Variants in BCKDHB observed in about 807,000 individuals in gnomAD.
BCKDHB encodes the protein 2-oxoisovalerate dehydrogenase subunit beta, mitochondrial.
BCKDHB carries 41 observed loss-of-function variants against 48.5 expected under a neutral mutation model. The ratio of observed to expected loss-of-function variants is 0.85; its 90% CI spans 0.66 to 1.10. The LOEUF (loss-of-function observed/expected upper bound fraction) is 1.10, where lower values mean the gene tolerates loss of function less well. BCKDHB is among the 50% of genes least tolerant of loss of function. BCKDHB has a pLI of 0.00. For missense variants in BCKDHB, 496 were observed against 494.2 expected (o/e 1.00, Z -0.03); for synonymous variants, 201 against 174.8 (o/e 1.15, Z -1.18).
chr6:80,332,001 A>G (rs1769334810), intron 9 of BCKDHB, among the ~76,000 whole-genome samples: 1 of 152,194 alleles, frequency 6.6e-6, no homozygotes, highest in Admixed American at 6.5e-5. Flanking sequence ...TGCACCATAA[A>G]CCCAGATGTA....
At chr6:80,229,609 T>C (rs564908911) in intron 8 of BCKDHB, among the ~76,000 whole-genome samples, 1 of 152,052 alleles carries the variant, frequency 6.6e-6, no homozygotes, top group East Asian at 1.9e-4. Context: ...AATTGAAGAG[T>C]TGTTATTAAA....
chr6:80,357,969 A>G, the BCKDHB span, among the ~76,000 whole-genome samples: 10 of 152,234 alleles, frequency 6.6e-5, no homozygotes, highest in Non-Finnish European at 1.2e-4. Context: ...TAATTTTCTG[A>G]GACCATTCAT....
chr6:80,463,468 A>G, the BCKDHB span, among the ~76,000 whole-genome samples: 183 of 152,358 alleles, frequency 1.2e-3, 2 homozygotes, highest in Non-Finnish European at 3.7e-4. Flanking sequence ...TGTGGAGGAA[A>G]CCAACATATG....
the BCKDHB span, among the ~76,000 whole-genome samples, chr6:80,408,286 G>A: frequency 3.9e-5 from 6 of 152,250 alleles, no homozygotes; most frequent in African/African-American, 1.4e-4. Flanking sequence ...TTGCATCAAT[G>A]TTCATCAGGG....
At chr6:80,403,544 TCTA>T in the BCKDHB span, among the ~76,000 whole-genome samples, 3 of 152,060 alleles carry the variant, frequency 2.0e-5, no homozygotes, top group South Asian at 6.2e-4. Flanking sequence ...TTTCACTTCT[TCTA>T]TTCTAATGTT....
chr6:80,363,664 G>A, the BCKDHB span, among the ~76,000 whole-genome samples: 2 of 152,170 alleles, frequency 1.3e-5, no homozygotes, highest in African/African-American at 2.4e-5. Context: ...TATGAGCATA[G>A]CACAGGGCTG....
chr6:80,419,444 C>G, the BCKDHB span, among the ~76,000 whole-genome samples: 1 of 152,244 alleles, frequency 6.6e-6, no homozygotes, highest in East Asian at 1.9e-4. Flanking sequence ...CTGACCCTCT[C>G]TCATGGGCAA....
At chr6:80,395,870 C>T in the BCKDHB span, among the ~76,000 whole-genome samples, 1 of 152,304 alleles carries the variant, frequency 6.6e-6, no homozygotes, top group East Asian at 1.9e-4. Context: ...GCTTCAGCTC[C>T]AGCTCTGGAT....
chr6:80,285,719 G>T (rs1425392569), intron 9 of BCKDHB, among the ~76,000 whole-genome samples: 1 of 152,140 alleles, frequency 6.6e-6, no homozygotes, highest in African/African-American at 2.4e-5. Context: ...ATTTTGGGTA[G>T]TTTGTGCTTA....
intron 9 of BCKDHB, among the ~76,000 whole-genome samples, chr6:80,280,556 G>C (rs1303146932): frequency 6.6e-6 from 1 of 152,110 alleles, no homozygotes; most frequent in Non-Finnish European, 1.5e-5. Flanking sequence ...TGCTTGATGT[G>C]GGCATTGCAG....
intron 1 of BCKDHB, among the ~76,000 whole-genome samples, chr6:80,114,362 C>G (rs1353946323): frequency 6.6e-6 from 1 of 151,746 alleles, no homozygotes; most frequent in African/African-American, 2.4e-5. Flanking sequence ...GATCCTCATA[C>G]TCAGCCTCCA....
the BCKDHB span, among the ~76,000 whole-genome samples, chr6:80,366,417 T>C: frequency 6.6e-6 from 1 of 152,112 alleles, no homozygotes; most frequent in Non-Finnish European, 1.5e-5. Flanking sequence ...CACATGCTCA[T>C]AGACATAGTC....
the BCKDHB span, among the ~76,000 whole-genome samples, chr6:80,412,632 A>G: frequency 6.6e-6 from 1 of 152,190 alleles, no homozygotes; most frequent in Non-Finnish European, 1.5e-5. Flanking sequence ...ATACCTTCAA[A>G]TATTTTTATG....
chr6:80,421,499 G>A, the BCKDHB span, among the ~76,000 whole-genome samples: 13 of 152,266 alleles, frequency 8.5e-5, no homozygotes, highest in Non-Finnish European at 1.3e-4. Context: ...AATCTTGACG[G>A]CTCAGAAAAA....
chr6:80,116,716 G>A (rs1425548684), intron 1 of BCKDHB, among the ~76,000 whole-genome samples: 1 of 152,144 alleles, frequency 6.6e-6, no homozygotes, highest in East Asian at 1.9e-4. Context: ...GCTGTATTTT[G>A]TTGTTGTTTG....
In BCKDHB at chr6:80,293,123, G is replaced by C. The variant is rs79367699; in HGVS notation, c.1038+19902G>C. ...TCTACCATTTTGGGGTCGAGAGGAC[G>C]GTGGCCCTCTTCGCACGCTCCACTA... is the stretch of plus-strand genomic sequence containing the variant. On this transcript the variant is annotated intron_variant, in intron 9 of 9. Transcript: ENST00000320393. 9.3e-3 allele frequency among the ~76,000 whole-genome samples: 1,413 copies of C among 152,266 alleles called. 29 individuals carry two copies. Among genetic ancestry groups the C allele is most frequent in the African/African-American group, 0.032 (1,344 of 41,550 alleles).
chr6:80,294,403 A>C lies in BCKDHB; in HGVS notation c.1038+21182A>C, dbSNP rs866655230. Reference sequence around the variant, plus strand: ...ATATGAAATCAGTGCACCTTGAAAAAGAACAGAATAACAGTGACTTTTAGG... The same window carrying C: ...ATATGAAATCAGTGCACCTTGAAAACGAACAGAATAACAGTGACTTTTAGG... On this transcript the variant is annotated intron_variant, in intron 9 of 9. Transcript: ENST00000320393. Among the ~76,000 whole-genome samples the C allele has an allele frequency of 2.0e-5, 3 of 152,326 alleles. 1 individual carries two copies. The South Asian group carries it at 6.2e-4, about 32-fold the overall frequency.
chr6:80,162,836 C>G lies in BCKDHB; in HGVS notation c.344-4842C>G, dbSNP rs146792456. Among the ~76,000 whole-genome samples, 265 of 152,132 alleles carry G rather than the reference C, an allele frequency of 1.7e-3. 1 individual carries two copies. Among genetic ancestry groups the G allele is most frequent in the African/African-American group, 6.0e-3 (251 of 41,508 alleles). ...ACTGCATTCCAGCCGGGTGACAGAGCGAGACTACATCTCAAAACAAAAAAA... is the reference window on the plus strand; with the variant it reads ...ACTGCATTCCAGCCGGGTGACAGAGGGAGACTACATCTCAAAACAAAAAAA... On this transcript the variant is annotated intron_variant, in intron 3 of 9. Transcript: ENST00000320393.
the BCKDHB span, chr6:80,462,767 G>C: frequency 6.6e-6 from 1 of 152,170 alleles, no homozygotes; most frequent in African/African-American, 2.4e-5. Context: ...CCATGAATTT[G>C]TGGGAATCAA....
Sources: allele counts gnomAD v4.1 joint callset (sites outside exome capture counted in the v4.1 genomes callset), GRCh38; gene constraint gnomAD v4.1.1; transcripts MANE v1.5; gene names NCBI Gene and HGNC (gene_info 2026-07-23, HGNC 2026-07-21).